GDF6: variants seen among roughly 807,000 people sequenced by gnomAD.
GDF6 encodes growth/differentiation factor 6.
Under a neutral mutation model 32.4 loss-of-function variants are expected in GDF6, and 3 were observed. That is an observed-to-expected ratio of 0.09 (90% confidence interval 0.04 to 0.24). The LOEUF (loss-of-function observed/expected upper bound fraction) is 0.24. Ranked by LOEUF, GDF6 falls within the 10% of genes least tolerant of loss-of-function variation. The pLI, the probability that GDF6 is intolerant of heterozygous loss-of-function variation, is 1.00. For synonymous variants in GDF6, 296 were observed against 295.3 expected, an observed-to-expected ratio of 1.00 and a Z score of -0.03; for missense variants, 589 against 637.9, an observed-to-expected ratio of 0.92 and a Z score of 0.83.
intron 1 of GDF6, among the ~76,000 whole-genome samples, chr8:96,148,514 TTC>T: frequency 6.6e-6 from 1 of 152,334 alleles, no homozygotes; most frequent in African/African-American, 2.4e-5. Context: ...GAAATGCAAA[TTC>T]TCTCTCGCTC....
Position 96,145,651 on chromosome 8 carries a change from G to A in GDF6, c.407-127C>T. 1.8e-6 allele frequency: 2 copies of A among 1,122,394 alleles called. No homozygotes were observed. Among genetic ancestry groups the A allele is most frequent in the South Asian group, 1.3e-5 (1 of 74,586 alleles). The allele number at this position is 1,122,394 out of a possible 1,614,324, so 69.5% of individuals were successfully genotyped here. A position where few individuals can be genotyped will look rare whatever the true frequency, so the allele number is the denominator to read the frequency against. ...GTCGGCCGGGCAGTCCAGCTTGCCC[G>A]GCCCAGGGCCTGACCACCCCGGCTC... On this transcript the variant is annotated intron_variant, in intron 1 of 1. Transcript: ENST00000287020. This position sits in a 1 kb window ranked among gnomAD's most constrained non-coding sequence, Gnocchi z 5.6.
intron 1 of GDF6, among the ~76,000 whole-genome samples, chr8:96,157,021 C>T (rs749879272): frequency 1.3e-5 from 2 of 152,208 alleles, no homozygotes; most frequent in Non-Finnish European, 2.9e-5. Flanking sequence ...GTCTTCTTTA[C>T]TTCACCTGTA....
chr8:96,153,354 GC>G (rs1812602400), intron 1 of GDF6, among the ~76,000 whole-genome samples: 1 of 152,226 alleles, frequency 6.6e-6, no homozygotes, highest in Non-Finnish European at 1.5e-5. Flanking sequence ...CCCATTCTGG[GC>G]TCCCGACCAC....
chr8:96,160,483 C>A lies in GDF6; in HGVS notation c.210G>T (p.Arg70=). The A allele has an allele frequency of 6.2e-7, 1 of 1,612,742 alleles. No homozygotes were observed. The highest frequency in any genetic ancestry group is 8.5e-7 in the Non-Finnish European group (1 of 1,179,334). ...GCTGAGCCCGGGGTTCGTCCTGAGG[C>A]CGCGGCTGTGGTTCCTGGCCCTCCC... ...AGREGQEPQP[R]PQDEPRAQQP... Residue 70 remains arginine, a synonymous_variant, in exon 1 of 2, where the codon CGG becomes CGT. Transcript: ENST00000287020.
At position 96,144,283 on chromosome 8, in the gene GDF6, A is replaced by AGAGAGAGAGG. The variant is rs1563507941; in HGVS notation, c.*279_*280insCCTCTCTCTC. ...GAGAGAGAGAGAGAGAGAGAGAGAG[A>AGAGAGAGAGG]GAGAGAGAAAACAGAACAAAAGAAA... On this transcript the variant is annotated 3_prime_UTR_variant, in exon 2 of 2. Transcript: ENST00000287020. This position sits in a 1 kb window ranked among gnomAD's most constrained non-coding sequence, Gnocchi z 5.1. 4.1e-6 allele frequency: 2 copies of AGAGAGAGAGG among 492,404 alleles called. No homozygotes were observed. The highest frequency in any genetic ancestry group is 7.3e-6 in the Non-Finnish European group (2 of 272,288). 30.5% of individuals were successfully genotyped at this position (492,404 alleles called of 1,614,324 possible).
In GDF6 at chr8:96,145,369, G is replaced by T. The variant is rs1356835291; in HGVS notation, c.562C>A (p.Leu188Ile). 6.4e-7 allele frequency: 1 copy of T among 1,563,358 alleles called. No homozygotes were observed. Among genetic ancestry groups the T allele is most frequent in the South Asian group, 1.1e-5 (1 of 86,970 alleles). The change falls in exon 2 of 2, where the codon CTC becomes ATC. Residue 188 changes from leucine to isoleucine, a missense_variant. Coordinates refer to ENST00000287020, the MANE Select transcript of GDF6 (RefSeq NM_001001557.4). This position sits in a 1 kb window ranked among gnomAD's most constrained non-coding sequence, Gnocchi z 5.6. ...AGTAGGGGCGAAAGGCAAGGGAAGA[G>T]CTGCACGTGGAGCGGCCCGGCTGGT... ...GPPAGPLHVQ[L>I]FPCLSPLLLD...
rs375108591 is a variant in GDF6 at position 96,160,526 on chromosome 8, C to T, written c.167G>A (p.Arg56His). ...GCCCTCCCGGCCCGCGTCACTGTCG[C>T]GCGGCGCCCGCTGCATCTTGCCTTC... The part of the protein sequence containing the change: ...RKEGKMQRAP[R>H]DSDAGREGQE... Residue 56 changes from arginine (R) to histidine (H), a missense_variant, in exon 1 of 2, where the codon CGC (arginine) becomes CAC (histidine). Physicochemically the swap from Arg to His is conservative, Grantham distance 29. This residue lies in a region of GDF6 where 436 missense variants were observed against 411.2 expected (regional missense o/e 1.06). Coordinates refer to ENST00000287020, the MANE Select transcript of GDF6 (RefSeq NM_001001557.4). 1.2e-6 allele frequency: 2 copies of T among 1,613,338 alleles called. No individual in the cohort carries two copies. Among genetic ancestry groups the T allele is most frequent in the East Asian group, 2.2e-5 (1 of 44,836 alleles).
Position 96,143,322 on chromosome 8 carries a change from G to A in GDF6, c.*1241C>T, listed in dbSNP as rs1385775238. ...TAATCTTTCAGGAATGTCAAAGAGA[G>A]GGGAGGGAACTCAGATTTTAAAGAA... On this transcript the variant is annotated 3_prime_UTR_variant, in exon 2 of 2. Coordinates refer to ENST00000287020, the MANE Select transcript of GDF6 (RefSeq NM_001001557.4). The A allele has an allele frequency of 6.5e-6, 1 of 152,698 alleles. No homozygotes were observed. The highest frequency in any genetic ancestry group is 2.4e-5 in the African/African-American group (1 of 41,458). 9.5% of individuals were successfully genotyped at this position (152,698 alleles called of 1,614,324 possible). A position where few individuals can be genotyped will look rare whatever the true frequency, so the allele number is the denominator to read the frequency against.
Position 96,145,161 on chromosome 8 carries a change from G to T in GDF6, c.770C>A (p.Pro257His). The T allele has an allele frequency of 6.7e-7, 1 of 1,503,000 alleles. No homozygotes were observed. Among genetic ancestry groups the T allele is most frequent in the South Asian group, 1.3e-5 (1 of 79,932 alleles). The allele number at this position is 1,503,000 out of a possible 1,614,324, so 93.1% of individuals were successfully genotyped here. Residue 257 changes from proline (P) to histidine (H), a missense_variant, in exon 2 of 2, where the codon CCC becomes CAC. By Grantham distance (77) the Pro-to-His change is moderately conservative. Coordinates refer to ENST00000287020, the MANE Select transcript of GDF6 (RefSeq NM_001001557.4). This position sits in a 1 kb window ranked among gnomAD's most constrained non-coding sequence, Gnocchi z 5.6. ...ARARGPQQPP[P>H]PDLRSLGFGR... ...GAAGCCCAGACTCCGCAGGTCCGGG[G>T]GCGGCGGTTGCTGGGGTCCCCGCGC...
intron 1 of GDF6, among the ~76,000 whole-genome samples, chr8:96,159,279 C>G (rs1462027973): frequency 1.3e-5 from 2 of 152,174 alleles, no homozygotes; most frequent in African/African-American, 4.8e-5. Flanking sequence ...ATTATTGTCT[C>G]TCTCCTTTAG....
Position 96,145,328 on chromosome 8 carries a change from G to A in GDF6, c.603C>T (p.Thr201=), listed in dbSNP as rs1407763948. ...CLSPLLLDAR[T]LDPQGAPPAG... ...CCGGCGGCGCCCCCTGCGGGTCCAG[G>A]GTCCGCGCGTCCAGCAGTAGGGGCG... The change falls in exon 2 of 2, where the codon ACC becomes ACT. Residue 201 remains threonine (T), a synonymous_variant. Coordinates refer to ENST00000287020, the MANE Select transcript of GDF6 (RefSeq NM_001001557.4). The surrounding 1 kb of genome is among the most constrained non-coding windows in gnomAD (Gnocchi z 5.6). 2 of 1,537,714 alleles carry A rather than the reference G, an allele frequency of 1.3e-6. No homozygotes were observed. The highest frequency in any genetic ancestry group is 2.4e-5 in the East Asian group (1 of 41,356).
chr8:96,154,840 C>G (rs1370255470), intron 1 of GDF6, among the ~76,000 whole-genome samples: 3 of 152,200 alleles, frequency 2.0e-5, no homozygotes, highest in Non-Finnish European at 4.4e-5. Flanking sequence ...TCTCCGCCAC[C>G]GCCCCAGAAA....
In GDF6 at chr8:96,145,501, G is replaced by A; in HGVS notation, c.430C>T (p.Arg144Trp). 1 of 1,597,924 alleles carries A rather than the reference G, an allele frequency of 6.3e-7. No homozygotes were observed. Among genetic ancestry groups the A allele is most frequent in the Non-Finnish European group, 8.5e-7 (1 of 1,179,608 alleles). ...GLDDLSHTPL[R>W]RQKYLFDVSM... ...ACATCAAACAAATACTTCTGTCTCC[G>A]GAGAGGAGTGTGCGAGAGATCGTCT... Residue 144 changes from arginine (R) to tryptophan (W), a missense_variant, in exon 2 of 2, where the codon CGG (arginine) becomes TGG (tryptophan). Around this residue, in one of 2 missense-constraint regions of GDF6, gnomAD observed 436 missense variants for 411.2 expected, o/e 1.06. Coordinates refer to ENST00000287020, the MANE Select transcript of GDF6 (RefSeq NM_001001557.4). The surrounding 1 kb of genome is among the most constrained non-coding windows in gnomAD (Gnocchi z 5.6).
At chr8:96,156,583 A>C (rs1361716554) in intron 1 of GDF6, among the ~76,000 whole-genome samples, 1 of 152,216 alleles carries the variant, frequency 6.6e-6, no homozygotes, top group African/African-American at 2.4e-5. Flanking sequence ...TAATTTCATC[A>C]TATCCAACCT....
At position 96,145,350 on chromosome 8, in the gene GDF6, G is replaced by T; in HGVS notation, c.581C>A (p.Pro194His). The change falls in exon 2 of 2, where the codon CCC (proline) becomes CAC (histidine). Residue 194 changes from proline (P) to histidine (H), a missense_variant. By Grantham distance (77) the Pro-to-His change is moderately conservative. Around this residue, in one of 2 missense-constraint regions of GDF6, gnomAD observed 436 missense variants for 411.2 expected, o/e 1.06. Transcript: ENST00000287020. The surrounding 1 kb of genome is among the most constrained non-coding windows in gnomAD (Gnocchi z 5.6). ...LHVQLFPCLS[P>H]LLLDARTLDP... ...CAGGGTCCGCGCGTCCAGCAGTAGG[G>T]GCGAAAGGCAAGGGAAGAGCTGCAC... The T allele has an allele frequency of 1.3e-6, 2 of 1,548,584 alleles. No individual in the cohort carries two copies. Among genetic ancestry groups the T allele is most frequent in the Non-Finnish European group, 1.7e-6 (2 of 1,153,892 alleles).
At chr8:96,153,304 G>A (rs760779010) in intron 1 of GDF6, among the ~76,000 whole-genome samples, 17 of 152,264 alleles carry the variant, frequency 1.1e-4, no homozygotes, top group Non-Finnish European at 2.4e-4. Context: ...GCAAAGCTGA[G>A]ATCAAGGGCA....
rs888284937 is a variant in GDF6 at position 96,145,699 on chromosome 8, C to T, written c.407-175G>A. Among the ~76,000 whole-genome samples the T allele has an allele frequency of 6.6e-6, 1 of 152,122 alleles. No homozygotes were observed. Among genetic ancestry groups the T allele is most frequent in the African/African-American group, 2.4e-5 (1 of 41,440 alleles). ...CTCCCCATCTGGCTGGTGCATGGCG[C>T]GGGGAAGGGGGCGCGCCAGGACGGG... On this transcript the variant is annotated intron_variant, in intron 1 of 1. Transcript: ENST00000287020. This position sits in a 1 kb window ranked among gnomAD's most constrained non-coding sequence, Gnocchi z 5.6.
intron 1 of GDF6, among the ~76,000 whole-genome samples, chr8:96,150,777 G>A (rs1466066769): frequency 6.6e-6 from 1 of 152,250 alleles, no homozygotes; most frequent in Non-Finnish European, 1.5e-5. Context: ...GTTTTGGCAG[G>A]GGGCCAGGAA....
chr8:96,154,088 G>A (rs1019050380), intron 1 of GDF6, among the ~76,000 whole-genome samples: 5 of 152,114 alleles, frequency 3.3e-5, no homozygotes, highest in African/African-American at 1.2e-4. Flanking sequence ...GGGCTCCTAT[G>A]TTATTAAGGG....
Sources: allele counts gnomAD v4.1 joint callset (sites outside exome capture counted in the v4.1 genomes callset), GRCh38; gene constraint gnomAD v4.1.1; regional missense constraint gnomAD v4.1.1; non-coding constraint Gnocchi (gnomAD v3.1); transcripts MANE v1.5; gene names NCBI Gene and HGNC (gene_info 2026-07-23, HGNC 2026-07-21).